Variants in MRTFB observed in about 807,000 individuals in gnomAD.
MRTFB encodes myocardin related transcription factor B.
A neutral mutation model predicts 104.2 loss-of-function variants in MRTFB; 29 were observed. The observed-to-expected ratio is 0.28, with a 90% CI of 0.21 to 0.38. The LOEUF is 0.38. Ranked by LOEUF, MRTFB falls within the 10% of genes least tolerant of loss-of-function variation. MRTFB has a pLI of 1.00. For missense variants in MRTFB, 1,270 were observed against 1,341.6 expected, an observed-to-expected ratio of 0.95 and a Z score of 0.83; for synonymous variants, 535 against 519.5, an observed-to-expected ratio of 1.03 and a Z score of -0.41.
In MRTFB at chr16:14,248,950, A is replaced by G. The variant is rs1393658728; in HGVS notation, c.2272A>G (p.Thr758Ala). Residue 758 changes from threonine (T) to alanine (A), a missense_variant, in exon 13 of 17, where the codon ACT (threonine) becomes GCT (alanine). Physicochemically the swap from Thr to Ala is moderately conservative, Grantham distance 58. Transcript: ENST00000571589. ...GACTTCACCACAAGCAGGAATGCAG[A>G]CTCAGCCTCAGATAGCAACTGCTGC... Reference protein sequence around the residue: ...LQTSPQAGMQTQPQIATAAQI... With the variant: ...LQTSPQAGMQAQPQIATAAQI... 1 of 1,614,094 alleles carries G rather than the reference A, an allele frequency of 6.2e-7. No individual in the cohort carries two copies. The highest frequency in any genetic ancestry group is 8.5e-7 in the Non-Finnish European group (1 of 1,179,996).
At chr16:13,995,845 A>G in the MRTFB span, among the ~76,000 whole-genome samples, 1 of 152,068 alleles carries the variant, frequency 6.6e-6, no homozygotes, top group African/African-American at 2.4e-5. Flanking sequence ...CCATGATCCA[A>G]TCACCTCCCT....
chr16:14,212,687 A>G (rs1273058407), intron 5 of MRTFB, among the ~76,000 whole-genome samples: 3 of 152,220 alleles, frequency 2.0e-5, no homozygotes, highest in Admixed American at 1.3e-4. Flanking sequence ...CTCTCAGAGC[A>G]TAACAACAGT....
intron 4 of MRTFB, among the ~76,000 whole-genome samples, chr16:14,211,376 T>A (rs1969045759): frequency 6.6e-6 from 1 of 152,144 alleles, no homozygotes; most frequent in Non-Finnish European, 1.5e-5. Flanking sequence ...CGGGTGCTGG[T>A]CCTCAGCCAA....
At chr16:14,200,389 A>C in intron 3 of MRTFB, 1 of 1,607,888 alleles carries the variant, frequency 6.2e-7, no homozygotes, top group East Asian at 2.2e-5. Flanking sequence ...ATGACACTAA[A>C]GATGTTTCAC....
At chr16:14,066,314 C>G in the MRTFB span, among the ~76,000 whole-genome samples, 2 of 151,556 alleles carry the variant, frequency 1.3e-5, no homozygotes, top group Admixed American at 1.3e-4. Flanking sequence ...CACTCTGTTG[C>G]CCAGGCTGGA....
At chr16:14,104,910 T>C (rs568669340) in intron 2 of MRTFB, among the ~76,000 whole-genome samples, 1 of 152,296 alleles carries the variant, frequency 6.6e-6, no homozygotes, top group South Asian at 2.1e-4. Context: ...AGAGGACACA[T>C]GGCACTGAAG....
At chr16:14,135,310 A>G (rs1255483527) in intron 2 of MRTFB, among the ~76,000 whole-genome samples, 1 of 152,222 alleles carries the variant, frequency 6.6e-6, no homozygotes, top group Non-Finnish European at 1.5e-5. Flanking sequence ...CAATAGTACA[A>G]TCATGCACCA....
At chr16:14,189,829 G>A (rs1256786771) in intron 3 of MRTFB, among the ~76,000 whole-genome samples, 1 of 152,170 alleles carries the variant, frequency 6.6e-6, no homozygotes, top group Non-Finnish European at 1.5e-5. Flanking sequence ...TGCTTCTCAA[G>A]TAGTTGCTTG....
chr16:14,244,086 G>C (rs1481982469), intron 10 of MRTFB, among the ~76,000 whole-genome samples: 1 of 152,012 alleles, frequency 6.6e-6, no homozygotes, highest in Non-Finnish European at 1.5e-5. Context: ...CACCGTGTTA[G>C]CCAGGATGGT....
the MRTFB span, among the ~76,000 whole-genome samples, chr16:14,021,528 G>A: frequency 6.6e-6 from 1 of 152,172 alleles, no homozygotes; most frequent in Non-Finnish European, 1.5e-5. Flanking sequence ...CATCAACCAA[G>A]CAGTATACAC....
At chr16:14,027,255 G>A in the MRTFB span, among the ~76,000 whole-genome samples, 8 of 151,866 alleles carry the variant, frequency 5.3e-5, no homozygotes, top group Admixed American at 2.0e-4. Flanking sequence ...AGGATACAAC[G>A]CTGTGTGAAA....
intron 4 of MRTFB, among the ~76,000 whole-genome samples, chr16:14,211,018 A>G (rs558146134): frequency 6.6e-6 from 1 of 152,316 alleles, no homozygotes; most frequent in Non-Finnish European, 1.5e-5. Flanking sequence ...GGACCTTTCC[A>G]AGAGGTAACT....
chr16:14,068,136 A>G (rs2033541583), upstream of MRTFB, among the ~76,000 whole-genome samples: 1 of 152,068 alleles, frequency 6.6e-6, no homozygotes, highest in Non-Finnish European at 1.5e-5. Context: ...CTGGCCTAAA[A>G]ACTAATTTTA....
intron 3 of MRTFB, among the ~76,000 whole-genome samples, chr16:14,168,287 C>G (rs1597136898): frequency 6.6e-6 from 1 of 151,742 alleles, no homozygotes; most frequent in African/African-American, 2.4e-5. Flanking sequence ...CTAAGGCACA[C>G]TGTTGGATGA....
the MRTFB span, among the ~76,000 whole-genome samples, chr16:14,023,860 G>A: frequency 1.3e-5 from 2 of 152,090 alleles, no homozygotes; most frequent in African/African-American, 4.8e-5. Context: ...AGACCAGCCT[G>A]GCCAACAGGG....
At chr16:14,154,015 A>G (rs563212283) in intron 3 of MRTFB, among the ~76,000 whole-genome samples, 4 of 152,186 alleles carry the variant, frequency 2.6e-5, no homozygotes, top group Non-Finnish European at 4.4e-5. Flanking sequence ...TTTTACCTTT[A>G]ACCCATCTGC....
intron 3 of MRTFB, among the ~76,000 whole-genome samples, chr16:14,193,051 G>C (rs556927504): frequency 1.3e-5 from 2 of 151,466 alleles, no homozygotes; most frequent in African/African-American, 4.9e-5. Flanking sequence ...ACATATTTAC[G>C]GGCATCTTTA....
intron 15 of MRTFB, among the ~76,000 whole-genome samples, chr16:14,256,786 G>C (rs2043513356): frequency 6.6e-6 from 1 of 152,166 alleles, no homozygotes; most frequent in African/African-American, 2.4e-5. Context: ...TTATGTTTTG[G>C]AATAATTTAT....
chr16:14,024,140 C>T, the MRTFB span, among the ~76,000 whole-genome samples: 2 of 152,110 alleles, frequency 1.3e-5, no homozygotes, highest in African/African-American at 2.4e-5. Flanking sequence ...ATTGCCGCCT[C>T]CTATTGGTGT....
Sources: gnomAD v4.1 joint callset for allele counts (sites outside exome capture counted in the v4.1 genomes callset) on GRCh38, gnomAD v4.1.1 for gene constraint, MANE v1.5 for transcripts, NCBI Gene and HGNC (gene_info 2026-07-23, HGNC 2026-07-21) for gene names.